PSMA2: variants seen among roughly 807,000 people sequenced by gnomAD.
The protein encoded by PSMA2 is proteasome subunit alpha type-2.
In PSMA2, 2 loss-of-function variants were observed where a neutral mutation model predicts 35.9. The observed-to-expected ratio is 0.06, with a 90% confidence interval of 0.02 to 0.18. PSMA2 has a LOEUF of 0.18. Ranked by LOEUF, PSMA2 falls within the 10% of genes least tolerant of loss-of-function variation. The probability of loss-of-function intolerance (pLI) is 1.00; values close to 1 mark genes in which losing one functional copy is unlikely to be tolerated. For synonymous variants in PSMA2, 97 were observed against 98.2 expected (o/e 0.99, Z 0.07); for missense variants, 126 against 278.8 (o/e 0.45, Z 3.90).
At chr7:42,927,524 TGA>T (rs1786232110) in intron 1 of PSMA2, 65 bp from the exon 2 acceptor site, 1 of 1,476,504 alleles carries the variant, frequency 6.8e-7, no homozygotes, top group African/African-American at 1.4e-5. Flanking sequence ...AGAACATCTC[TGA>T]GATAGTACAG....
intron 5 of PSMA2, among the ~76,000 whole-genome samples, chr7:42,922,952 C>T (rs1786148520): frequency 6.6e-6 from 1 of 152,172 alleles, no homozygotes. Context: ...CTGGAAAACT[C>T]ACTCAAGTCA....
In PSMA2 at chr7:42,931,066, C is replaced by A. The variant is rs1359234772; in HGVS notation, c.41+1052G>T. 1.1e-5 allele frequency: 4 copies of A among 351,698 alleles called. No individual in the cohort carries two copies. The East Asian group carries it at 4.0e-4, about 35-fold the overall frequency. The allele number at this position is 351,698 out of a possible 1,614,324, so 21.8% of individuals were successfully genotyped here. On this transcript the variant is annotated intron_variant, in intron 1 of 7. Transcript: ENST00000223321. ...TGTATTTTTGTTATCAGAAAAAAAA[C>A]CCAGTTTGAATGTCAACTCAGCTAC...
At chr7:42,926,407 G>A in intron 3 of PSMA2, 129 bp downstream of exon 3, 1 of 1,157,098 alleles carries the variant, frequency 8.6e-7, no homozygotes, top group Non-Finnish European at 1.2e-6. Flanking sequence ...GGCTGCTATT[G>A]CTAAACAAAG....
chr7:42,917,707 A>G lies in PSMA2; in HGVS notation c.589-17T>C. On this transcript the variant is annotated splice_polypyrimidine_tract_variant and intron_variant, in intron 7 of 7. Coordinates refer to ENST00000223321, the MANE Select transcript of PSMA2 (RefSeq NM_002787.5). ...AAAGCTTTCCTATTGAGGAGGGAGG[A>G]AAAAAGGTCAATTTTCTAAGCAGTT... is the stretch of plus-strand genomic sequence containing the variant. 2 of 1,611,378 alleles carry G rather than the reference A, an allele frequency of 1.2e-6. No individual in the cohort carries two copies. Among genetic ancestry groups the G allele is most frequent in the East Asian group, 2.2e-5 (1 of 44,772 alleles).
Position 42,917,507 on chromosome 7 carries a change from A to C in PSMA2, c.*67T>G. 2 of 1,263,408 alleles carry C rather than the reference A, an allele frequency of 1.6e-6. No homozygotes were observed. The highest frequency in any genetic ancestry group is 3.0e-5 in the African/African-American group (2 of 67,268). The allele number at this position is 1,263,408 out of a possible 1,614,324, so 78.3% of individuals were successfully genotyped here. A position where few individuals can be genotyped will look rare whatever the true frequency, so the allele number is the denominator to read the frequency against. ...AGTATGCAAAAAGTCTGCAAAACAA[A>C]ACATACTTTAAACATGTTTAAGTAG... On this transcript the variant is annotated 3_prime_UTR_variant, in exon 8 of 8. Coordinates refer to ENST00000223321, the MANE Select transcript of PSMA2 (RefSeq NM_002787.5).
chr7:42,930,571 G>A (rs1786287217), intron 1 of PSMA2, among the ~76,000 whole-genome samples: 1 of 151,856 alleles, frequency 6.6e-6, no homozygotes, highest in Non-Finnish European at 1.5e-5. Context: ...TTTTAATAAA[G>A]AAAATTTGTT....
Position 42,926,568 on chromosome 7 carries a change from A to G in PSMA2, c.219T>C (p.Gly73=). ...HKVEPITKHI[G]LVYSGMGPDY... ...CGGGGCCCATGCCACTGTACACCAA[A>G]CCTATATGCTTGGTAATTGGTTCTA... Residue 73 remains glycine (G), a synonymous_variant, in exon 3 of 8, where the codon GGT becomes GGC. Coordinates refer to ENST00000223321, the MANE Select transcript of PSMA2 (RefSeq NM_002787.5). 12 of 1,605,806 alleles carry G rather than the reference A, an allele frequency of 7.5e-6. No homozygotes were observed. The highest frequency in any genetic ancestry group is 1.0e-5 in the Non-Finnish European group (12 of 1,177,588).
At chr7:42,931,805 G>A (rs768458595) in intron 1 of PSMA2, among the ~76,000 whole-genome samples, 1 of 152,072 alleles carries the variant, frequency 6.6e-6, no homozygotes, top group African/African-American at 2.4e-5. Flanking sequence ...ACCCAGAGAT[G>A]GTTAAGCTAA....
At chr7:42,923,475 G>C in intron 4 of PSMA2, 69 bp from the exon 5 acceptor site, 1 of 1,251,734 alleles carries the variant, frequency 8.0e-7, no homozygotes, top group Admixed American at 1.9e-5. Context: ...GAATTTATCA[G>C]TACTCTCAAA....
Position 42,917,593 on chromosome 7 carries a change from T to C in PSMA2, c.686A>G (p.Tyr229Cys), listed in dbSNP as rs1786052129. 1 of 1,612,134 alleles carries C rather than the reference T, an allele frequency of 6.2e-7. No homozygotes were observed. Among genetic ancestry groups the C allele is most frequent in the Non-Finnish European group, 8.5e-7 (1 of 1,179,624 alleles). Residue 229 changes from tyrosine to cysteine, a missense_variant, in exon 8 of 8, where the codon TAC becomes TGC. This residue lies in a region of PSMA2 where 42 missense variants were observed against 83.6 expected (regional missense o/e 0.50). Coordinates refer to ENST00000223321, the MANE Select transcript of PSMA2 (RefSeq NM_002787.5). Reference sequence around the variant, plus strand: ...TCATTGTTATGCTATGGCAGCCAAGTAATCCTTAACTTCAGTTGGAGTAAG... The same window carrying C: ...TCATTGTTATGCTATGGCAGCCAAGCAATCCTTAACTTCAGTTGGAGTAAG... The part of the protein sequence containing the change: ...RRLTPTEVKD[Y>C]LAAIA
intron 6 of PSMA2, chr7:42,921,342 TA>T (rs1300691251): frequency 6.6e-6 from 1 of 152,308 alleles, no homozygotes; most frequent in East Asian, 1.9e-4. Flanking sequence ...ACACTGAGAC[TA>T]GAATACAGCT....
intron 1 of PSMA2, among the ~76,000 whole-genome samples, 195 bp downstream of exon 1, chr7:42,931,923 C>CA (rs1479353081): frequency 2.0e-5 from 3 of 152,078 alleles, no homozygotes; most frequent in Non-Finnish European, 4.4e-5. Flanking sequence ...CCCGACCCTC[C>CA]AGCAGCCTCC....
Position 42,926,643 on chromosome 7 carries a change from A to G in PSMA2, c.144T>C (p.Thr48=). Residue 48 remains threonine (T), a synonymous_variant, in exon 3 of 8, where the codon ACT becomes ACC. Coordinates refer to ENST00000223321, the MANE Select transcript of PSMA2 (RefSeq NM_002787.5). ...ACAGAATGGATTTCTGTTTTTTCTC[A>G]GTTGCTAATACCACACCATTTGCAG... is the stretch of plus-strand genomic sequence containing the variant. ...IKAANGVVLA[T]EKKQKSILYD... is the part of the protein sequence containing the mutation. 7 of 1,610,188 alleles carry G rather than the reference A, an allele frequency of 4.3e-6. No individual in the cohort carries two copies. Among genetic ancestry groups the G allele is most frequent in the Non-Finnish European group, 5.9e-6 (7 of 1,178,818 alleles).
At chr7:42,925,210 T>C in intron 3 of PSMA2, among the ~76,000 whole-genome samples, 1 of 152,148 alleles carries the variant, frequency 6.6e-6, no homozygotes, top group East Asian at 1.9e-4. Context: ...TGTTTCAATC[T>C]CTCTGCCTGT....
intron 2 of PSMA2, among the ~76,000 whole-genome samples, chr7:42,927,178 C>A (rs1024454586): frequency 6.6e-6 from 1 of 152,152 alleles, no homozygotes; most frequent in African/African-American, 2.4e-5. Context: ...TCACAACTAA[C>A]AGATAAAGGT....
intron 6 of PSMA2, chr7:42,919,333 T>C: frequency 1.7e-6 from 1 of 582,214 alleles, no homozygotes; most frequent in South Asian, 1.4e-5. Context: ...CTGATGACCC[T>C]GGCTCATAAA....
At chr7:42,930,287 T>C (rs915170839) in intron 1 of PSMA2, among the ~76,000 whole-genome samples, 1 of 152,052 alleles carries the variant, frequency 6.6e-6, no homozygotes, top group African/African-American at 2.4e-5. Context: ...AGATATGGGG[T>C]ATCACTTTGT....
In PSMA2 at chr7:42,930,255, G is replaced by T. The variant is rs186248429; in HGVS notation, c.41+1863C>A. ...CACACACACACACACACACAAGTTT[G>T]GTTTTTTTAAAAAAAACTTTTAGAT... is the stretch of plus-strand genomic sequence containing the variant. On this transcript the variant is annotated intron_variant, in intron 1 of 7. Coordinates refer to ENST00000223321, the MANE Select transcript of PSMA2 (RefSeq NM_002787.5). Among the ~76,000 whole-genome samples the T allele has an allele frequency of 4.6e-5, 7 of 150,654 alleles. No homozygotes were observed. The East Asian group carries it at 1.2e-3, about 25-fold the overall frequency.
chr7:42,917,889 T>A, intron 6 of PSMA2, 54 bp from the exon 7 acceptor site: 1 of 1,241,102 alleles, frequency 8.1e-7, no homozygotes, highest in Non-Finnish European at 1.1e-6. Flanking sequence ...TTTATAACTA[T>A]TTAAATACAA....
Sources: allele counts gnomAD v4.1 joint callset (sites outside exome capture counted in the v4.1 genomes callset), GRCh38; gene constraint gnomAD v4.1.1; regional missense constraint gnomAD v4.1.1; transcripts MANE v1.5; gene names NCBI Gene and HGNC (gene_info 2026-07-23, HGNC 2026-07-21).